Variants in CCDC6 observed in about 807,000 individuals in gnomAD.
CCDC6 encodes coiled-coil domain-containing protein 6.
A neutral mutation model predicts 56.6 loss-of-function variants in CCDC6; 20 were observed. The ratio of observed to expected loss-of-function variants is 0.35; its 90% CI spans 0.25 to 0.51. The LOEUF (loss-of-function observed/expected upper bound fraction) is 0.51. CCDC6 is among the 20% of genes least tolerant of loss of function. The pLI is 0.95. For missense variants in CCDC6, 367 were observed against 601.1 expected (o/e 0.61, Z 4.07); for synonymous variants, 241 against 234.4 (o/e 1.03, Z -0.26).
Position 59,807,608 on chromosome 10 carries a change from A to T in CCDC6, c.848-530T>A, listed in dbSNP as rs114015058. On this transcript the variant is annotated intron_variant, in intron 5 of 8. Transcript: ENST00000263102. ...ATTATTTGCATTTAGAAAAAAATAT[A>T]AAAGGCAGTGTTGGCAGGTTAGGCA... Among the ~76,000 whole-genome samples, 1,088 of 152,354 alleles carry T rather than the reference A, an allele frequency of 7.1e-3. 16 individuals carry two copies. The highest frequency in any genetic ancestry group is 0.025 in the African/African-American group (1,043 of 41,584).
intron 4 of CCDC6, 22 bp downstream of exon 4, chr10:59,814,630 T>C: frequency 1.4e-6 from 2 of 1,472,766 alleles, no homozygotes; most frequent in Non-Finnish European, 9.5e-7. Context: ...ACACCCATAC[T>C]GAACAGCAAG....
intron 3 of CCDC6, among the ~76,000 whole-genome samples, chr10:59,816,190 C>G (rs949818954): frequency 4.6e-5 from 7 of 152,262 alleles, no homozygotes; most frequent in South Asian, 2.1e-4. Flanking sequence ...ATAAAATCAG[C>G]TGCCTCAGAA....
At chr10:59,880,999 A>G (rs1279338310) in intron 1 of CCDC6, among the ~76,000 whole-genome samples, 1 of 152,130 alleles carries the variant, frequency 6.6e-6, no homozygotes, top group Non-Finnish European at 1.5e-5. Flanking sequence ...GGCAGAGCAG[A>G]GCGTTGTCTG....
intron 7 of CCDC6, among the ~76,000 whole-genome samples, chr10:59,797,680 G>A (rs1393912716): frequency 1.7e-5 from 2 of 117,082 alleles, no homozygotes; most frequent in Non-Finnish European, 3.2e-5. Context: ...GAGAGTGAGA[G>A]TGTTGTGTGT....
At chr10:59,849,366 T>C (rs1449936292) in intron 2 of CCDC6, among the ~76,000 whole-genome samples, 1 of 152,220 alleles carries the variant, frequency 6.6e-6, no homozygotes, top group Non-Finnish European at 1.5e-5. Flanking sequence ...TGAACACATA[T>C]GGAGGTGTTT....
At chr10:59,870,260 C>A (rs2071216940) in intron 1 of CCDC6, among the ~76,000 whole-genome samples, 1 of 152,158 alleles carries the variant, frequency 6.6e-6, no homozygotes, top group Non-Finnish European at 1.5e-5. Context: ...TTAAACTCAA[C>A]CTTTTCTCCC....
At chr10:59,811,639 C>G (rs1475783184) in intron 5 of CCDC6, among the ~76,000 whole-genome samples, 1 of 152,130 alleles carries the variant, frequency 6.6e-6, no homozygotes. Flanking sequence ...AGCTGTCCCT[C>G]AGAACCTGTG....
intron 1 of CCDC6, among the ~76,000 whole-genome samples, chr10:59,902,009 T>C (rs956945544): frequency 2.0e-5 from 3 of 152,200 alleles, no homozygotes; most frequent in Non-Finnish European, 4.4e-5. Flanking sequence ...ATGGGGAAAA[T>C]TGAATAATCA....
chr10:59,895,793 C>A (rs763589961), intron 1 of CCDC6, among the ~76,000 whole-genome samples: 3 of 152,122 alleles, frequency 2.0e-5, no homozygotes, highest in African/African-American at 7.2e-5. Flanking sequence ...TCTTTGTTTA[C>A]CTGAGGGCGT....
Position 59,790,777 on chromosome 10 carries a change from C to T in CCDC6, c.*2140G>A, listed in dbSNP as rs748287851. On this transcript the variant is annotated 3_prime_UTR_variant, in exon 9 of 9. Coordinates refer to ENST00000263102, the MANE Select transcript of CCDC6 (RefSeq NM_005436.5). ...TAAAAGGCATTTATCAGGAAATGTT[C>T]GCTCACTCCAAGTGCTTTTTAAAAA... 7.9e-5 allele frequency: 17 copies of T among 214,544 alleles called. No individual in the cohort carries two copies. Among genetic ancestry groups the T allele is most frequent in the Admixed American group, 2.3e-4 (4 of 17,074 alleles). The allele number at this position is 214,544 out of a possible 1,614,324, so 13.3% of individuals were successfully genotyped here.
At chr10:59,859,190 A>ATGTGTGTGTG (rs370903379) in intron 1 of CCDC6, among the ~76,000 whole-genome samples, 4 of 83,988 alleles carry the variant, frequency 4.8e-5, no homozygotes, top group African/African-American at 3.2e-4. Context: ...AAAAAAATAC[A>ATGTGTGTGTG]TGTGTGTGCG....
At chr10:59,801,062 G>A (rs1020289257) in intron 7 of CCDC6, among the ~76,000 whole-genome samples, 6 of 152,056 alleles carry the variant, frequency 3.9e-5, no homozygotes, top group African/African-American at 1.4e-4. Context: ...AACTGCAAGG[G>A]GTGGGATAGG....
At chr10:59,799,663 T>C (rs1023330144) in intron 7 of CCDC6, among the ~76,000 whole-genome samples, 2 of 152,212 alleles carry the variant, frequency 1.3e-5, no homozygotes, top group East Asian at 3.9e-4. Flanking sequence ...TGGTGTGCCC[T>C]AGCCTGAGAA....
chr10:59,845,866 T>C (rs1170650942), intron 2 of CCDC6, among the ~76,000 whole-genome samples: 1 of 152,178 alleles, frequency 6.6e-6, no homozygotes, highest in African/African-American at 2.4e-5. Context: ...AGAACCAAGG[T>C]TTCATCTGAA....
At chr10:59,799,046 A>G (rs887321892) in intron 7 of CCDC6, among the ~76,000 whole-genome samples, 1 of 149,826 alleles carries the variant, frequency 6.7e-6, no homozygotes, top group Non-Finnish European at 1.5e-5. Flanking sequence ...TAGGGGATTC[A>G]GTTCATTTTT....
chr10:59,900,198 G>A (rs533950880), intron 1 of CCDC6, among the ~76,000 whole-genome samples: 15 of 152,184 alleles, frequency 9.9e-5, no homozygotes, highest in African/African-American at 2.7e-4. Flanking sequence ...TGTCAGTGAC[G>A]TGGGGTGGGG....
At chr10:59,854,157 A>G (rs2071061401) in intron 1 of CCDC6, among the ~76,000 whole-genome samples, 1 of 152,142 alleles carries the variant, frequency 6.6e-6, no homozygotes, top group African/African-American at 2.4e-5. Flanking sequence ...GGGCACCCAC[A>G]TTAAACAATT....
At chr10:59,856,161 T>C (rs565740714) in intron 1 of CCDC6, among the ~76,000 whole-genome samples, 32 of 152,212 alleles carry the variant, frequency 2.1e-4, no homozygotes, top group African/African-American at 6.3e-4. Context: ...TTAGATCTAA[T>C]TGGGGGGTGT....
chr10:59,857,783 A>T (rs934602165), intron 1 of CCDC6, among the ~76,000 whole-genome samples: 1 of 152,160 alleles, frequency 6.6e-6, no homozygotes, highest in Non-Finnish European at 1.5e-5. Flanking sequence ...GGCAGGCTCT[A>T]TTTATTATTC....
Sources: gnomAD v4.1 joint callset for allele counts (sites outside exome capture counted in the v4.1 genomes callset) on GRCh38, gnomAD v4.1.1 for gene constraint, MANE v1.5 for transcripts, NCBI Gene and HGNC (gene_info 2026-07-23, HGNC 2026-07-21) for gene names.